Variants in SCN7A observed in about 807,000 individuals in gnomAD.
SCN7A encodes sodium voltage-gated channel alpha subunit 7, also known as sodium channel protein type 7 subunit alpha.
A neutral mutation model predicts 155.2 loss-of-function variants in SCN7A; 138 were observed. The ratio of observed to expected loss-of-function variants is 0.89; its 90% CI spans 0.77 to 1.02. SCN7A has a LOEUF of 1.02. Among genes scored for constraint, SCN7A ranks in the 50% least tolerant of loss-of-function variants. The probability of loss-of-function intolerance (pLI) is 0.00; values close to 1 mark genes in which losing one functional copy is unlikely to be tolerated. For missense variants in SCN7A, 2,058 were observed against 1,986.6 expected, an observed-to-expected ratio of 1.04 and a Z score of -0.68; for synonymous variants, 693 against 649.0, an observed-to-expected ratio of 1.07 and a Z score of -1.03.
At chr2:166,484,590 A>C (rs1393118917) in intron 2 of SCN7A, among the ~76,000 whole-genome samples, 2 of 151,984 alleles carry the variant, frequency 1.3e-5, no homozygotes, top group Non-Finnish European at 2.9e-5. Flanking sequence ...TTGAAGGCTA[A>C]AGATTTTATA....
In SCN7A at chr2:166,432,348, C is replaced by A; in HGVS notation, c.2562G>T (p.Gln854His). 1 of 1,611,502 alleles carries A rather than the reference C, an allele frequency of 6.2e-7. No homozygotes were observed. Among genetic ancestry groups the A allele is most frequent in the Non-Finnish European group, 8.5e-7 (1 of 1,178,938 alleles). ...DIENLDNKEI[Q>H]SKSGDGGSKE... ...TGCTGCCTCCATCACCAGACTTACTCTGAATCTCCTTATTATCCAGATTTT... is the reference window on the plus strand; with the variant it reads ...TGCTGCCTCCATCACCAGACTTACTATGAATCTCCTTATTATCCAGATTTT... Residue 854 changes from glutamine (Q) to histidine (H), a missense_variant, in exon 16 of 26, where the codon CAG becomes CAT. By Grantham distance (24) the Gln-to-His change is conservative (BLOSUM62 0). Transcript: ENST00000643258.
At chr2:166,431,223 T>C (rs1701725754) in intron 16 of SCN7A, among the ~76,000 whole-genome samples, 1 of 152,072 alleles carries the variant, frequency 6.6e-6, no homozygotes, top group Non-Finnish European at 1.5e-5. Context: ...GCCTGTTTTA[T>C]AGCAATGGTA....
At chr2:166,417,721 A>C (rs1701410954) in intron 20 of SCN7A, among the ~76,000 whole-genome samples, 1 of 151,044 alleles carries the variant, frequency 6.6e-6, no homozygotes, top group Admixed American at 6.6e-5. Flanking sequence ...TTTAAGTGAA[A>C]TATAATATGT....
intron 23 of SCN7A, among the ~76,000 whole-genome samples, chr2:166,410,953 C>T (rs1045904893): frequency 2.0e-5 from 3 of 151,930 alleles, no homozygotes; most frequent in African/African-American, 7.2e-5. Context: ...TAAATCAGGA[C>T]CTGGTCACTT....
At chr2:166,476,599 T>C (rs923075426) in intron 3 of SCN7A, among the ~76,000 whole-genome samples, 3 of 151,994 alleles carry the variant, frequency 2.0e-5, no homozygotes, top group African/African-American at 4.8e-5. Flanking sequence ...GTCTCTTCCA[T>C]GCAATCATCA....
intron 3 of SCN7A, 149 bp downstream of exon 3, chr2:166,477,314 T>G (rs2105513287): frequency 6.3e-4 from 372 of 594,562 alleles, no homozygotes; most frequent in East Asian, 1.2e-3. Flanking sequence ...GTTCCCAAAA[T>G]GAGATATCTT....
chr2:166,417,417 G>A (rs1463308322), intron 20 of SCN7A, among the ~76,000 whole-genome samples: 4 of 152,108 alleles, frequency 2.6e-5, no homozygotes, highest in African/African-American at 9.7e-5. Context: ...AGCTTGCAGT[G>A]AGCAGAGATA....
chr2:166,406,451 A>G lies in SCN7A; in HGVS notation c.4178T>C (p.Ile1393Thr). The G allele has an allele frequency of 6.2e-7, 1 of 1,612,974 alleles. No homozygotes were observed. Among genetic ancestry groups the G allele is most frequent in the Non-Finnish European group, 8.5e-7 (1 of 1,179,340 alleles). ...ATTATACATTCCAAATACGGCATAGATGAACATGACCAGGAAGATGAGAAG... is the reference window on the plus strand; with the variant it reads ...ATTATACATTCCAAATACGGCATAGGTGAACATGACCAGGAAGATGAGAAG... ...IILLIFLVMFIYAVFGMYNFA... is the reference protein window; with the variant it reads ...IILLIFLVMFTYAVFGMYNFA... The change falls in exon 26 of 26, where the codon ATC becomes ACC. Residue 1393 changes from isoleucine (I) to threonine (T), a missense_variant. By Grantham distance (89) the Ile-to-Thr change is moderately conservative (BLOSUM62 -1). Coordinates refer to ENST00000643258, the MANE Select transcript of SCN7A (RefSeq NM_002976.4).
chr2:166,409,834 G>A lies in SCN7A; in HGVS notation c.3813C>T (p.Asp1271=), dbSNP rs77460880. 4.8e-3 allele frequency: 7,574 copies of A among 1,572,534 alleles called. 362 individuals carry two copies. In the East Asian group the frequency reaches 0.12, roughly 25 times the overall value. ...ACATTTGTAGACTCTGAACATCAGT[G>A]TCTATCATCATGGCTATTGCTTGGA... ...ICFQAIAMMI[D]TDVQSLQMSI... is the part of the protein sequence containing the mutation. The change falls in exon 25 of 26, where the codon GAC becomes GAT. Residue 1271 remains aspartate, a synonymous_variant. Coordinates refer to ENST00000643258, the MANE Select transcript of SCN7A (RefSeq NM_002976.4).
rs1478279171 is a variant in SCN7A at position 166,432,810 on chromosome 2, T to C, written c.2158-58A>G. On this transcript the variant is annotated intron_variant, in intron 15 of 25. Coordinates refer to ENST00000643258, the MANE Select transcript of SCN7A (RefSeq NM_002976.4). Reference sequence around the variant, plus strand: ...TCTCATTTTGTTTCATTTTAAGTAATGAAAAGTTTGTTTACAAAACTGATG... The same window carrying C: ...TCTCATTTTGTTTCATTTTAAGTAACGAAAAGTTTGTTTACAAAACTGATG... 4 of 1,299,390 alleles carry C rather than the reference T, an allele frequency of 3.1e-6. No homozygotes were observed. The East Asian group carries it at 7.5e-5, about 24-fold the overall frequency. The allele number at this position is 1,299,390 out of a possible 1,614,324, so 80.5% of individuals were successfully genotyped here.
intron 15 of SCN7A, among the ~76,000 whole-genome samples, chr2:166,435,448 T>C (rs1701819845): frequency 6.6e-6 from 1 of 152,134 alleles, no homozygotes; most frequent in African/African-American, 2.4e-5. Context: ...ATAGTGTGTA[T>C]AAAACAAAAC....
intron 18 of SCN7A, 35 bp downstream of exon 18, chr2:166,427,753 C>T: frequency 6.4e-7 from 1 of 1,570,430 alleles, no homozygotes; most frequent in Non-Finnish European, 8.7e-7. Context: ...CATTTGTCCC[C>T]AGCAAAGTAT....
Position 166,428,150 on chromosome 2 carries a change from G to A in SCN7A, c.2699-208C>T, listed in dbSNP as rs929554662. On this transcript the variant is annotated intron_variant, in intron 17 of 25. Coordinates refer to ENST00000643258, the MANE Select transcript of SCN7A (RefSeq NM_002976.4). ...AAAGGAAAACTGGACTTAGGAGTTC[G>A]GTAGTAATGAAAGAAAGGCATTGTG... 3.3e-5 allele frequency among the ~76,000 whole-genome samples: 5 copies of A among 151,984 alleles called. No homozygotes were observed. The East Asian group carries it at 5.8e-4, about 18-fold the overall frequency.
At chr2:166,439,583 C>G (rs191051344) in intron 15 of SCN7A, among the ~76,000 whole-genome samples, 2 of 152,204 alleles carry the variant, frequency 1.3e-5, no homozygotes, top group Admixed American at 1.3e-4. Flanking sequence ...AGATCTATCT[C>G]TGATATTTTG....
intron 2 of SCN7A, among the ~76,000 whole-genome samples, chr2:166,482,398 A>G (rs2105525376): frequency 6.6e-6 from 1 of 152,208 alleles, no homozygotes; most frequent in African/African-American, 2.4e-5. Context: ...TAGTCCTAGT[A>G]TAATATCCCT....
At chr2:166,471,178 GTTGT>G (rs1250254665) in intron 6 of SCN7A, among the ~76,000 whole-genome samples, 4 of 151,882 alleles carry the variant, frequency 2.6e-5, no homozygotes, top group Non-Finnish European at 5.9e-5. Context: ...CAGACTGTGT[GTTGT>G]TTAAGGGCAC....
At chr2:166,446,971 C>G (rs951763775) in intron 12 of SCN7A, among the ~76,000 whole-genome samples, 3 of 152,110 alleles carry the variant, frequency 2.0e-5, no homozygotes, top group African/African-American at 7.2e-5. Flanking sequence ...AGCAGATCAT[C>G]ATGGCACATG....
intron 11 of SCN7A, among the ~76,000 whole-genome samples, chr2:166,450,923 G>A (rs985667682): frequency 2.6e-5 from 4 of 151,978 alleles, no homozygotes; most frequent in Admixed American, 6.6e-5. Flanking sequence ...CCAAATTTTC[G>A]TGAGATTAAA....
At chr2:166,457,448 T>C (rs896984098) in intron 10 of SCN7A, among the ~76,000 whole-genome samples, 4 of 152,204 alleles carry the variant, frequency 2.6e-5, no homozygotes, top group Non-Finnish European at 5.9e-5. Context: ...TGCAGAAGAA[T>C]CTTTAAATAT....
Sources: allele counts gnomAD v4.1 joint callset (sites outside exome capture counted in the v4.1 genomes callset), GRCh38; gene constraint gnomAD v4.1.1; transcripts MANE v1.5; gene names NCBI Gene and HGNC (gene_info 2026-07-23, HGNC 2026-07-21).